Variants in KLHDC4 observed in about 807,000 individuals in gnomAD.
KLHDC4 encodes the protein kelch domain-containing protein 4.
A neutral mutation model predicts 62.4 loss-of-function variants in KLHDC4; 90 were observed. The observed-to-expected ratio is 1.44, with a 90% confidence interval of 1.22 to 1.72. The LOEUF is 1.72. Among genes scored for constraint, KLHDC4 ranks in the 40% most tolerant of loss-of-function variants. The pLI is 0.00. For missense variants in KLHDC4, 1,025 were observed against 699.7 expected, an observed-to-expected ratio of 1.47 and a Z score of -5.25; for synonymous variants, 386 against 284.4, an observed-to-expected ratio of 1.36 and a Z score of -3.59.
chr16:87,707,555 T>C (rs950183899), downstream of KLHDC4, among the ~76,000 whole-genome samples: 2 of 152,196 alleles, frequency 1.3e-5, no homozygotes, highest in Non-Finnish European at 2.9e-5. Flanking sequence ...GTTTCAGGCA[T>C]CAGAGGCTGA....
chr16:87,736,733 C>T (rs1354129065), intron 5 of KLHDC4, among the ~76,000 whole-genome samples: 11 of 152,136 alleles, frequency 7.2e-5, no homozygotes, highest in East Asian at 1.9e-4. Context: ...AGAAAAACCA[C>T]CATTTGTGTT....
At chr16:87,722,665 A>C (rs1307602215) in intron 7 of KLHDC4, among the ~76,000 whole-genome samples, 1 of 152,228 alleles carries the variant, frequency 6.6e-6, no homozygotes, top group East Asian at 1.9e-4. Flanking sequence ...CAGAAGGACA[A>C]GGACACGCAG....
chr16:87,737,419 C>A (rs780605200), intron 5 of KLHDC4, among the ~76,000 whole-genome samples: 1 of 151,950 alleles, frequency 6.6e-6, no homozygotes, highest in Non-Finnish European at 1.5e-5. Context: ...GAAACCCCGA[C>A]TCTCCTAAAA....
downstream of KLHDC4, among the ~76,000 whole-genome samples, chr16:87,703,715 G>C (rs2034310622): frequency 6.6e-6 from 1 of 152,170 alleles, no homozygotes; most frequent in African/African-American, 2.4e-5. Flanking sequence ...AAACGGGCGT[G>C]AGCTGGACTC....
chr16:87,755,663 T>G (rs1031810578), intron 3 of KLHDC4: 8 of 192,450 alleles, frequency 4.2e-5, no homozygotes, highest in Non-Finnish European at 7.6e-5. Flanking sequence ...GCCTCCCAGG[T>G]GCAAGTGATT....
chr16:87,711,942 G>A (rs908577442), intron 8 of KLHDC4, among the ~76,000 whole-genome samples: 8 of 148,728 alleles, frequency 5.4e-5, no homozygotes, highest in African/African-American at 7.7e-5. Context: ...GGGCCTGCAC[G>A]GGGACCCTCC....
exon 1 of KLHDC4, chr16:87,701,838 G>A (rs1168506222): frequency 8.8e-6 from 4 of 456,506 alleles, no homozygotes; most frequent in Non-Finnish European, 1.8e-5. Flanking sequence ...ACCACTGCTC[G>A]TTAACAGCTG....
chr16:87,756,484 G>A lies in KLHDC4; in HGVS notation c.192-7C>T. On this transcript the variant is annotated splice_region_variant and splice_polypyrimidine_tract_variant and intron_variant, in intron 2 of 11. Transcript: ENST00000270583. The stretch of plus-strand genomic sequence containing the variant: ...CGAGAGGGAGGCATTTAACCTACAA[G>A]ACACACAAGCGGCAGGTCAGCAAGA... 3 of 1,611,546 alleles carry A rather than the reference G, an allele frequency of 1.9e-6. No homozygotes were observed.
At chr16:87,733,387 C>T (rs903762474) in intron 5 of KLHDC4, among the ~76,000 whole-genome samples, 1 of 152,226 alleles carries the variant, frequency 6.6e-6, no homozygotes, top group Admixed American at 6.5e-5. Flanking sequence ...ACGCCGGCCA[C>T]AGATGTGCAG....
intron 5 of KLHDC4, among the ~76,000 whole-genome samples, chr16:87,736,557 T>C (rs1000218582): frequency 9.2e-5 from 14 of 152,180 alleles, no homozygotes; most frequent in African/African-American, 3.4e-4. Context: ...AACACATGCC[T>C]TGGAAACTTC....
chr16:87,735,366 T>C (rs998157501), intron 5 of KLHDC4, among the ~76,000 whole-genome samples: 3 of 148,628 alleles, frequency 2.0e-5, no homozygotes, highest in Non-Finnish European at 3.0e-5. Flanking sequence ...CTTCAAAAAA[T>C]GACAGAGGAG....
chr16:87,765,972 C>T lies in KLHDC4; in HGVS notation c.-82G>A, dbSNP rs892523798. The T allele has an allele frequency of 6.6e-6, 9 of 1,358,632 alleles. No individual in the cohort carries two copies. The highest frequency in any genetic ancestry group is 1.8e-4 in the Middle Eastern group (1 of 5,670). The allele number at this position is 1,358,632 out of a possible 1,614,324, so 84.2% of individuals were successfully genotyped here. A position where few individuals can be genotyped will look rare whatever the true frequency, so the allele number is the denominator to read the frequency against. On this transcript the variant is annotated 5_prime_UTR_variant, in exon 1 of 12. Coordinates refer to ENST00000270583, the MANE Select transcript of KLHDC4 (RefSeq NM_017566.4). ...CGCTCGGAAACAGGTGCTCGTGGGG[C>T]GGAGCTCGGCGCACAGAAATGGAGT...
At chr16:87,702,323 G>C (rs1296694465) in exon 1 of KLHDC4, 1 of 455,906 alleles carries the variant, frequency 2.2e-6, no homozygotes, top group Non-Finnish European at 4.4e-6. Context: ...CAGGCCCTGG[G>C]GTCAGGCTGA....
At chr16:87,701,877 C>G in exon 1 of KLHDC4, 1 of 456,562 alleles carries the variant, frequency 2.2e-6, no homozygotes, top group South Asian at 1.5e-5. Flanking sequence ...CCTCTTCGAG[C>G]CCAGGGAGTG....
Position 87,752,089 on chromosome 16 carries a change from CAAAAAAAAAA to C in KLHDC4, c.369+3095_369+3104del, listed in dbSNP as rs1173625123. 4.4e-4 allele frequency among the ~76,000 whole-genome samples: 13 copies of C among 29,468 alleles called. 1 individual carries two copies. Among genetic ancestry groups the C allele is most frequent in the African/African-American group, 1.2e-3 (7 of 5,858 alleles). The allele number at this position is 29,468 out of a possible 152,430, so 19.3% of individuals were successfully genotyped here. A position where few individuals can be genotyped will look rare whatever the true frequency, so the allele number is the denominator to read the frequency against. ...TGGGCAACAGAGTGAGACTTTGTCT[CAAAAAAAAAA>C]AAAAAAAAAAAAAAAGAAGCCAAAT... is the stretch of plus-strand genomic sequence containing the variant. On this transcript the variant is annotated intron_variant, in intron 4 of 11. Transcript: ENST00000270583.
chr16:87,748,351 A>G (rs1597315969), intron 5 of KLHDC4, among the ~76,000 whole-genome samples: 1 of 152,192 alleles, frequency 6.6e-6, no homozygotes, highest in South Asian at 2.1e-4. Flanking sequence ...CAAGCTGGGC[A>G]CCCAGAGCTG....
At chr16:87,762,730 GCA>G (rs1567846563) in intron 1 of KLHDC4, among the ~76,000 whole-genome samples, 1 of 152,060 alleles carries the variant, frequency 6.6e-6, no homozygotes, top group African/African-American at 2.4e-5. Context: ...TGATGTGCCA[GCA>G]CAGAGGGCAG....
intron 8 of KLHDC4, chr16:87,714,275 C>G: frequency 1.7e-6 from 1 of 581,964 alleles, no homozygotes. Context: ...GCTTCTCAGT[C>G]AGTCCATCAT....
At chr16:87,728,520 T>C (rs757419859) in intron 6 of KLHDC4, among the ~76,000 whole-genome samples, 12 of 152,170 alleles carry the variant, frequency 7.9e-5, no homozygotes, top group Non-Finnish European at 1.5e-4. Context: ...TTTAAAATGG[T>C]TGCAAGTTAA....
Sources: allele counts gnomAD v4.1 joint callset (sites outside exome capture counted in the v4.1 genomes callset), GRCh38; gene constraint gnomAD v4.1.1; transcripts MANE v1.5; gene names NCBI Gene and HGNC (gene_info 2026-07-23, HGNC 2026-07-21).